RBFOX1: variants seen among roughly 807,000 people sequenced by gnomAD.
RBFOX1 encodes RNA binding protein fox-1 homolog 1.
Under a neutral mutation model 57.7 loss-of-function variants are expected in RBFOX1, and 8 were observed. The ratio of observed to expected loss-of-function variants is 0.14; its 90% CI spans 0.08 to 0.25. The LOEUF (loss-of-function observed/expected upper bound fraction) is 0.25, where lower values mean the gene tolerates loss of function less well. RBFOX1 is among the 10% of genes least tolerant of loss of function. The pLI, the probability that RBFOX1 is intolerant of heterozygous loss-of-function variation, is 1.00. For synonymous variants in RBFOX1, 326 were observed against 222.4 expected (o/e 1.47, Z -4.15); for missense variants, 611 against 548.5 (o/e 1.11, Z -1.14).
At chr16:6,101,322 A>T (rs2096305039) in intron 1 of RBFOX1, among the ~76,000 whole-genome samples, 1 of 152,146 alleles carries the variant, frequency 6.6e-6, no homozygotes, top group Admixed American at 6.5e-5. Context: ...AGACAGTTGT[A>T]AAAACCACAG....
intron 1 of RBFOX1, among the ~76,000 whole-genome samples, chr16:6,086,619 G>A (rs12926871): frequency 0.42 from 63,238 of 152,078 alleles, 14,903 homozygotes; most frequent in Non-Finnish European, 0.55. Flanking sequence ...GCGCATGCTT[G>A]GTTGGGGTTC....
intron 3 of RBFOX1, among the ~76,000 whole-genome samples, chr16:6,797,980 C>T (rs6500839): frequency 0.46 from 69,511 of 151,640 alleles, 16,410 homozygotes; most frequent in Non-Finnish European, 0.51. Flanking sequence ...ATGGTGATAG[C>T]GGTGATGGTG....
chr16:7,156,526 T>G (rs570344715), intron 4 of RBFOX1, among the ~76,000 whole-genome samples: 4 of 152,136 alleles, frequency 2.6e-5, no homozygotes, highest in African/African-American at 9.7e-5. Flanking sequence ...CATGTAGATA[T>G]ATATGTGTAC....
intron 1 of RBFOX1, among the ~76,000 whole-genome samples, chr16:6,277,974 G>T (rs2076003202): frequency 6.6e-6 from 1 of 152,096 alleles, no homozygotes; most frequent in East Asian, 1.9e-4. Context: ...AGTAATCATT[G>T]GGTAGGTGAT....
intron 3 of RBFOX1, among the ~76,000 whole-genome samples, chr16:6,750,975 G>A (rs529792436): frequency 6.0e-4 from 92 of 152,176 alleles, no homozygotes; most frequent in Non-Finnish European, 1.0e-3. Context: ...ATATGAAGGT[G>A]CCAACTGGCC....
chr16:5,868,261 G>A (rs1260298679), intron 4 of RBFOX1, among the ~76,000 whole-genome samples: 1 of 152,222 alleles, frequency 6.6e-6, no homozygotes, highest in African/African-American at 2.4e-5. Context: ...CAGGAGCCCA[G>A]GGCTCTGTGT....
chr16:6,837,994 G>A (rs185235496), intron 3 of RBFOX1, among the ~76,000 whole-genome samples: 7 of 143,648 alleles, frequency 4.9e-5, no homozygotes, highest in Admixed American at 4.2e-4. Context: ...GGCAATACTG[G>A]GAAGTTACCA....
Position 5,424,953 on chromosome 16 carries a change from TTTG to T in RBFOX1, c.220-42260_220-42258del, listed in dbSNP as rs1315653033. Reference sequence around the variant, plus strand: ...TTTCTTTCTCTCTCTTCTTTCTTCCTTTGTTTCTTTCTCTTTCTTTCTTTCTTT... The same window carrying T: ...TTTCTTTCTCTCTCTTCTTTCTTCCTTTTCTTTCTCTTTCTTTCTTTCTTT... On this transcript the variant is annotated intron_variant, in intron 1 of 2. Coordinates refer to the RBFOX1 transcript ENST00000585867. 3.8e-5 allele frequency among the ~76,000 whole-genome samples: 4 copies of T among 103,942 alleles called. 1 individual carries two copies. The highest frequency in any genetic ancestry group is 5.6e-5 in the Non-Finnish European group (3 of 53,752). The allele number at this position is 103,942 out of a possible 152,430, so 68.2% of individuals were successfully genotyped here.
At chr16:6,085,822 C>CT (rs201690561) in intron 1 of RBFOX1, among the ~76,000 whole-genome samples, 12 of 151,666 alleles carry the variant, frequency 7.9e-5, no homozygotes, top group East Asian at 3.9e-4. Context: ...AGTGCTGATT[C>CT]TTTTTTTTTG....
chr16:7,117,931 A>G (rs941509704), intron 4 of RBFOX1, among the ~76,000 whole-genome samples: 3 of 152,186 alleles, frequency 2.0e-5, no homozygotes, highest in African/African-American at 7.2e-5. Flanking sequence ...AGAGAGAGAC[A>G]GAGACAGAGA....
chr16:5,301,709 C>T (rs1004209951), intron 1 of RBFOX1, among the ~76,000 whole-genome samples: 3 of 151,738 alleles, frequency 2.0e-5, no homozygotes, highest in African/African-American at 7.3e-5. Flanking sequence ...GAGATAACTG[C>T]CACCCTGGCT....
rs71145275 is a variant in RBFOX1 at position 6,685,442 on chromosome 16, A to ATTTTTTTTT, written c.-16+30801_-16+30809dup. 2.4e-5 allele frequency among the ~76,000 whole-genome samples: 3 copies of ATTTTTTTTT among 125,672 alleles called. 1 individual carries two copies. The highest frequency in any genetic ancestry group is 4.9e-5 in the Non-Finnish European group (3 of 61,792). The allele number at this position is 125,672 out of a possible 152,430, so 82.4% of individuals were successfully genotyped here. A position where few individuals can be genotyped will look rare whatever the true frequency, so the allele number is the denominator to read the frequency against. ...AGGCATGTGCCACTATACCCAGCTA[A>ATTTTTTTTT]TTTTTTTTTTTTTTTTTCTATTTTT... On this transcript the variant is annotated intron_variant, in intron 3 of 15. Coordinates refer to ENST00000550418, the MANE Select transcript of RBFOX1 (RefSeq NM_018723.4).
rs551216660 is a variant in RBFOX1, at chr16:7,165,470, C to G, written c.27+113372C>G. On this transcript the variant is annotated intron_variant, in intron 4 of 15. Coordinates refer to ENST00000550418, the MANE Select transcript of RBFOX1 (RefSeq NM_018723.4). ...TTGAGATGGAGTTTCGCTCTTGTTC[C>G]CCAGGCTGGAGTGCAATGGCATGAT... Among the ~76,000 whole-genome samples, 22 of 150,544 alleles carry G rather than the reference C, an allele frequency of 1.5e-4. No homozygotes were observed. The South Asian group carries it at 4.6e-3, about 32-fold the overall frequency.
chr16:7,587,448 A>G, intron 7 of RBFOX1, 148 bp downstream of exon 7: 1 of 807,008 alleles, frequency 1.2e-6, no homozygotes, highest in African/African-American at 1.8e-5. Context: ...CCGTTTTCAA[A>G]ATGGTGGGAA....
intron 2 of RBFOX1, among the ~76,000 whole-genome samples, chr16:6,462,732 T>A (rs17440477): frequency 0.22 from 32,184 of 147,090 alleles, 3,738 homozygotes; most frequent in Non-Finnish European, 0.26. Context: ...TTGGAGCAAT[T>A]TGAAGTCTTC....
At chr16:7,137,137 T>A (rs1399672915) in intron 4 of RBFOX1, among the ~76,000 whole-genome samples, 1 of 152,252 alleles carries the variant, frequency 6.6e-6, no homozygotes, top group Non-Finnish European at 1.5e-5. Context: ...TAAAGAATGA[T>A]GCAGTGGGTT....
intron 3 of RBFOX1, among the ~76,000 whole-genome samples, chr16:7,046,956 C>T (rs1349093908): frequency 6.6e-6 from 1 of 151,636 alleles, no homozygotes; most frequent in African/African-American, 2.4e-5. Flanking sequence ...AAAAGCTCTT[C>T]ATGCACTTCC....
At chr16:7,420,196 A>G (rs1262469645) in intron 4 of RBFOX1, among the ~76,000 whole-genome samples, 2 of 152,088 alleles carry the variant, frequency 1.3e-5, no homozygotes, top group African/African-American at 2.4e-5. Flanking sequence ...AATTATACAG[A>G]TGGGGCACAT....
chr16:5,476,434 C>A (rs1339823115), intron 2 of RBFOX1, among the ~76,000 whole-genome samples: 1 of 152,176 alleles, frequency 6.6e-6, no homozygotes, highest in Non-Finnish European at 1.5e-5. Context: ...AGAACACAGT[C>A]GTTCTCCCTA....
Sources: allele counts gnomAD v4.1 joint callset (sites outside exome capture counted in the v4.1 genomes callset), GRCh38; gene constraint gnomAD v4.1.1; transcripts MANE v1.5; gene names NCBI Gene and HGNC (gene_info 2026-07-23, HGNC 2026-07-21).